The following STXBP5L variants were observed in gnomAD, a reference collection of about 807,000 sequenced individuals.
STXBP5L encodes the protein syntaxin binding protein 5L.
STXBP5L carries 65 observed loss-of-function variants against 144.5 expected under a neutral mutation model. The ratio of observed to expected loss-of-function variants is 0.45; its 90% CI spans 0.37 to 0.55. STXBP5L has a LOEUF of 0.55. Among genes scored for constraint, STXBP5L ranks in the 20% least tolerant of loss-of-function variants. The probability of loss-of-function intolerance (pLI) is 0.00; values close to 1 mark genes in which losing one functional copy is unlikely to be tolerated. For synonymous variants in STXBP5L, 505 were observed against 469.6 expected (o/e 1.08, Z -0.97); for missense variants, 1,298 against 1,405.5 (o/e 0.92, Z 1.22).
chr3:121,071,299 A>T (rs1334138681), intron 5 of STXBP5L, among the ~76,000 whole-genome samples: 1 of 152,246 alleles, frequency 6.6e-6, no homozygotes, highest in Non-Finnish European at 1.5e-5. Context: ...ACCCGCATTT[A>T]GTTATCTATC....
At chr3:120,940,508 A>G (rs567497611) in intron 2 of STXBP5L, among the ~76,000 whole-genome samples, 1 of 152,126 alleles carries the variant, frequency 6.6e-6, no homozygotes, top group African/African-American at 2.4e-5. Context: ...TGATGAGGTC[A>G]AAGTGTATGA....
At chr3:121,096,017 G>T (rs775536604) in intron 5 of STXBP5L, among the ~76,000 whole-genome samples, 4 of 152,078 alleles carry the variant, frequency 2.6e-5, no homozygotes, top group South Asian at 2.1e-4. Context: ...TCTGGGCTAG[G>T]AAGTGCAATT....
Position 121,041,784 on chromosome 3 carries a change from A to G in STXBP5L, c.369+3A>G, listed in dbSNP as rs1235639774. 2.5e-6 allele frequency: 4 copies of G among 1,609,816 alleles called. No homozygotes were observed. The highest frequency in any genetic ancestry group is 3.4e-6 in the Non-Finnish European group (4 of 1,176,746). ...AGCTCCAATTTTTGATCAATGAGGT[A>G]AGGATTATTTTTTGACTACTTAAAT... On this transcript the variant is annotated splice_donor_region_variant and intron_variant, in intron 4 of 26. Coordinates refer to ENST00000471454, the MANE Select transcript of STXBP5L (RefSeq NM_001308330.2).
intron 8 of STXBP5L, among the ~76,000 whole-genome samples, chr3:121,154,599 C>T (rs2046049997): frequency 6.6e-6 from 1 of 151,606 alleles, no homozygotes; most frequent in Non-Finnish European, 1.5e-5. Flanking sequence ...ACCCTCATTT[C>T]TTCTCTCTCT....
chr3:121,074,082 G>A (rs2041920608), intron 5 of STXBP5L, among the ~76,000 whole-genome samples: 1 of 152,128 alleles, frequency 6.6e-6, no homozygotes. Flanking sequence ...TCACTTGGTG[G>A]CACAAAAGCC....
At chr3:121,367,601 T>TTG (rs2045900062) in intron 20 of STXBP5L, among the ~76,000 whole-genome samples, 1 of 138,332 alleles carries the variant, frequency 7.2e-6, no homozygotes, top group Non-Finnish European at 1.6e-5. Context: ...TCTTGTTTTT[T>TTG]TTTTTTTTTT....
At chr3:121,393,501 A>G (rs2046647972) in intron 22 of STXBP5L, among the ~76,000 whole-genome samples, 1 of 152,096 alleles carries the variant, frequency 6.6e-6, no homozygotes, top group African/African-American at 2.4e-5. Flanking sequence ...CGAATTCTTC[A>G]CCTAAGCCAA....
intron 5 of STXBP5L, among the ~76,000 whole-genome samples, chr3:121,114,379 A>G (rs1027055604): frequency 1.3e-5 from 2 of 151,904 alleles, no homozygotes; most frequent in African/African-American, 4.9e-5. Context: ...TCATGTAGAC[A>G]TAGCTACCAC....
chr3:121,348,189 G>T (rs187871851), intron 20 of STXBP5L, among the ~76,000 whole-genome samples: 1 of 152,160 alleles, frequency 6.6e-6, no homozygotes, highest in African/African-American at 2.4e-5. Context: ...TTTGTCAAAG[G>T]CCTTTTCTGC....
At chr3:121,245,228 T>C (rs2049806620) in intron 14 of STXBP5L, among the ~76,000 whole-genome samples, 1 of 151,938 alleles carries the variant, frequency 6.6e-6, no homozygotes, top group Non-Finnish European at 1.5e-5. Context: ...AAAGTTGTTA[T>C]AGTTTAAAAT....
At chr3:121,314,933 A>T (rs906494134) in intron 19 of STXBP5L, among the ~76,000 whole-genome samples, 1 of 152,204 alleles carries the variant, frequency 6.6e-6, no homozygotes, top group Admixed American at 6.5e-5. Flanking sequence ...AACCACAATG[A>T]GATACCATCT....
chr3:121,213,157 CAG>C (rs2108262689), intron 10 of STXBP5L, among the ~76,000 whole-genome samples: 1 of 152,310 alleles, frequency 6.6e-6, no homozygotes, highest in Non-Finnish European at 1.5e-5. Flanking sequence ...CATCTGCAAA[CAG>C]AGACAATTTG....
chr3:121,013,284 A>G (rs1316716539), intron 3 of STXBP5L, among the ~76,000 whole-genome samples: 1 of 152,002 alleles, frequency 6.6e-6, no homozygotes, highest in East Asian at 1.9e-4. Flanking sequence ...CTTTCCACAG[A>G]GGCTGAACTA....
chr3:121,104,479 A>C (rs932402197), intron 5 of STXBP5L, among the ~76,000 whole-genome samples: 37 of 152,198 alleles, frequency 2.4e-4, no homozygotes, highest in African/African-American at 8.7e-4. Context: ...GAGGCATCAC[A>C]TGACCCGACT....
chr3:121,034,220 C>T (rs781632120), intron 3 of STXBP5L, among the ~76,000 whole-genome samples: 1 of 152,016 alleles, frequency 6.6e-6, no homozygotes, highest in Non-Finnish European at 1.5e-5. Context: ...ATTCTGAGTT[C>T]TTAGTGTAAC....
At chr3:121,190,491 C>A (rs2047599164) in intron 9 of STXBP5L, among the ~76,000 whole-genome samples, 1 of 152,256 alleles carries the variant, frequency 6.6e-6, no homozygotes, top group African/African-American at 2.4e-5. Context: ...ATCTCTCTTT[C>A]TTTTCCCCAC....
chr3:121,256,670 G>A (rs2050215717), intron 16 of STXBP5L, among the ~76,000 whole-genome samples: 2 of 151,712 alleles, frequency 1.3e-5, no homozygotes, highest in South Asian at 4.1e-4. Context: ...TATACTAAAA[G>A]GCTTTAAACA....
In STXBP5L at chr3:121,190,706, C is replaced by CA. The variant is rs1559845385; in HGVS notation, c.878-15217_878-15216insA. On this transcript the variant is annotated intron_variant, in intron 9 of 26. Coordinates refer to ENST00000471454, the MANE Select transcript of STXBP5L (RefSeq NM_001308330.2). Reference sequence around the variant, plus strand: ...GCTGCCCCCCACCTCCCTGACGGGGCGGCTGGCCGGGCGGGGGCTGCCCCC... The same window carrying CA: ...GCTGCCCCCCACCTCCCTGACGGGGCAGGCTGGCCGGGCGGGGGCTGCCCCC... Among the ~76,000 whole-genome samples the CA allele has an allele frequency of 1.9e-4, 29 of 151,896 alleles. 2 individuals are homozygous for CA. The East Asian group carries it at 3.3e-3, about 17-fold the overall frequency.
At chr3:121,047,641 T>G (rs1159733917) in intron 5 of STXBP5L, among the ~76,000 whole-genome samples, 1 of 152,180 alleles carries the variant, frequency 6.6e-6, no homozygotes, top group Non-Finnish European at 1.5e-5. Flanking sequence ...TTTGTTAGCT[T>G]AAAGTATGTT....
Sources: allele counts gnomAD v4.1 joint callset (sites outside exome capture counted in the v4.1 genomes callset), GRCh38; gene constraint gnomAD v4.1.1; transcripts MANE v1.5; gene names NCBI Gene and HGNC (gene_info 2026-07-23, HGNC 2026-07-21).